FOSL2: variants seen among roughly 807,000 people sequenced by gnomAD.
FOSL2 encodes fos-related antigen 2.
Under a neutral mutation model 27.7 loss-of-function variants are expected in FOSL2, and 3 were observed. The observed-to-expected ratio is 0.11, with a 90% CI of 0.05 to 0.28. The LOEUF (loss-of-function observed/expected upper bound fraction) is 0.28. Ranked by LOEUF, FOSL2 falls within the 10% of genes least tolerant of loss-of-function variation. The probability of loss-of-function intolerance (pLI) is 1.00; values close to 1 mark genes in which losing one functional copy is unlikely to be tolerated. For missense variants in FOSL2, 333 were observed against 445.1 expected, an observed-to-expected ratio of 0.75 and a Z score of 2.27; for synonymous variants, 179 against 190.1, an observed-to-expected ratio of 0.94 and a Z score of 0.48.
Position 28,412,275 on chromosome 2 carries a change from A to G in FOSL2, c.808A>G (p.Thr270Ala), listed in dbSNP as rs970544007. 4 of 1,613,586 alleles carry G rather than the reference A, an allele frequency of 2.5e-6. No homozygotes were observed. Among genetic ancestry groups the G allele is most frequent in the Admixed American group, 1.7e-5 (1 of 59,990 alleles). The change falls in exon 4 of 4, where the codon ACA (threonine) becomes GCA (alanine). Residue 270 changes from threonine to alanine, a missense_variant. Physicochemically the swap from Thr to Ala is moderately conservative, Grantham distance 58. This residue lies in a region of FOSL2 where 136 missense variants were observed against 123.7 expected (regional missense o/e 1.10). Transcript: ENST00000264716. The surrounding 1 kb of genome is among the most constrained non-coding windows in gnomAD (Gnocchi z 7.1). Reference protein sequence around the residue: ...PLHTPIVVTSTPAVTPGTSNL... With the variant: ...PLHTPIVVTSAPAVTPGTSNL... Reference sequence around the variant, plus strand: ...GCACACCCCCATCGTGGTGACCTCCACACCTGCTGTCACTCCGGGCACCTC... The same window carrying G: ...GCACACCCCCATCGTGGTGACCTCCGCACCTGCTGTCACTCCGGGCACCTC...
intron 2 of FOSL2, among the ~76,000 whole-genome samples, chr2:28,407,557 T>C (rs1305555983): frequency 6.6e-6 from 1 of 152,202 alleles, no homozygotes; most frequent in African/African-American, 2.4e-5. Context: ...GTCCAGGCAG[T>C]ATCCCTCCTT....
At chr2:28,400,829 A>G (rs1445219246) in intron 1 of FOSL2, among the ~76,000 whole-genome samples, 1 of 152,204 alleles carries the variant, frequency 6.6e-6, no homozygotes, top group Non-Finnish European at 1.5e-5. Flanking sequence ...GCTAATAGGC[A>G]TCCACTTATT....
chr2:28,410,297 A>G (rs1664164632), intron 3 of FOSL2, among the ~76,000 whole-genome samples: 1 of 152,030 alleles, frequency 6.6e-6, no homozygotes, highest in Non-Finnish European at 1.5e-5. Context: ...TGGCACTTCA[A>G]GGAGCTGTGC....
intron 2 of FOSL2, among the ~76,000 whole-genome samples, chr2:28,407,364 G>A (rs868511431): frequency 1.3e-5 from 2 of 152,206 alleles, no homozygotes; most frequent in Admixed American, 1.3e-4. Flanking sequence ...GACCTCAGCC[G>A]GGCTGTGGAC....
rs752159907 is a variant in FOSL2 at position 28,412,240 on chromosome 2, A to G, written c.773A>G (p.Glu258Gly). ...AGCATTGCTGGGGGCTTCTACGGTG[A>G]GGAGCCCCTGCACACCCCCATCGTG... ...PISIAGGFYG[E>G]EPLHTPIVVT... The change falls in exon 4 of 4, where the codon GAG (glutamate) becomes GGG (glycine). Residue 258 changes from glutamate (E) to glycine (G), a missense_variant. Coordinates refer to ENST00000264716, the MANE Select transcript of FOSL2 (RefSeq NM_005253.4). The surrounding 1 kb of genome is among the most constrained non-coding windows in gnomAD (Gnocchi z 7.1). 3 of 1,613,738 alleles carry G rather than the reference A, an allele frequency of 1.9e-6. No individual in the cohort carries two copies. The highest frequency in any genetic ancestry group is 2.5e-6 in the Non-Finnish European group (3 of 1,179,930).
chr2:28,409,176 G>A (rs1449040960), intron 3 of FOSL2, among the ~76,000 whole-genome samples: 1 of 152,106 alleles, frequency 6.6e-6, no homozygotes, highest in South Asian at 2.1e-4. Flanking sequence ...AACTGTGGGG[G>A]CTCCTGGGTG....
intron 1 of FOSL2, among the ~76,000 whole-genome samples, chr2:28,400,307 T>A (rs1454595620): frequency 6.6e-6 from 1 of 152,194 alleles, no homozygotes; most frequent in Non-Finnish European, 1.5e-5. Flanking sequence ...GAACCACGAT[T>A]TATCTCCAGT....
chr2:28,399,399 C>T (rs1246504546), intron 1 of FOSL2, among the ~76,000 whole-genome samples: 2 of 152,178 alleles, frequency 1.3e-5, no homozygotes, highest in Admixed American at 6.5e-5. Flanking sequence ...TCTCAGGAGG[C>T]AGTTTTCCCA....
chr2:28,392,939 A>T lies in FOSL2; in HGVS notation c.-782A>T. ...AACGAGCGGCGCTCGGCGGGGACAGAAAGAGGGAGAGAGAGAGAGAGAGAG... is the reference window on the plus strand; with the variant it reads ...AACGAGCGGCGCTCGGCGGGGACAGTAAGAGGGAGAGAGAGAGAGAGAGAG... On this transcript the variant is annotated 5_prime_UTR_variant, in exon 1 of 4. Coordinates refer to ENST00000264716, the MANE Select transcript of FOSL2 (RefSeq NM_005253.4). The T allele has an allele frequency of 1.4e-6, 1 of 701,492 alleles. No individual in the cohort carries two copies. Among genetic ancestry groups the T allele is most frequent in the Admixed American group, 2.0e-5 (1 of 49,282 alleles). 43.5% of individuals were successfully genotyped at this position (701,492 alleles called of 1,614,324 possible).
At position 28,410,281 on chromosome 2, in the gene FOSL2, T is replaced by C. The variant is rs561245055; in HGVS notation, c.462+1415T>C. On this transcript the variant is annotated intron_variant, in intron 3 of 3. Coordinates refer to ENST00000264716, the MANE Select transcript of FOSL2 (RefSeq NM_005253.4). ...CGGGCCCTCCCACCACTAACCTTTC[T>C]GTGATTGGCACTTCAAGGAGCTGTG... 2.0e-5 allele frequency among the ~76,000 whole-genome samples: 3 copies of C among 152,252 alleles called. No individual in the cohort carries two copies. The East Asian group carries it at 5.8e-4, about 30-fold the overall frequency.
intron 1 of FOSL2, chr2:28,396,815 C>CACACACACACACACAA (rs1553376568): frequency 1.3e-3 from 192 of 151,738 alleles, no homozygotes; most frequent in African/African-American, 4.5e-3. Flanking sequence ...CACACACACA[C>CACACACACACACACAA]ACACACACAC....
chr2:28,411,186 G>A (rs899197667), intron 3 of FOSL2, among the ~76,000 whole-genome samples: 8 of 151,976 alleles, frequency 5.3e-5, no homozygotes, highest in Non-Finnish European at 8.8e-5. Context: ...AGTGAAAAAA[G>A]GGAGGAGGAG....
chr2:28,404,221 T>G lies in FOSL2; in HGVS notation c.217T>G (p.Ser73Ala). 6.2e-7 allele frequency: 1 copy of G among 1,614,140 alleles called. No individual in the cohort carries two copies. The highest frequency in any genetic ancestry group is 8.5e-7 in the Non-Finnish European group (1 of 1,180,012). Residue 73 changes from serine to alanine, a missense_variant, in exon 2 of 4, where the codon TCC (serine) becomes GCC (alanine). Transcript: ENST00000264716. The surrounding 1 kb of genome is among the most constrained non-coding windows in gnomAD (Gnocchi z 4.7). ...MVQPTVITSM[S>A]NPYPRSHPYS... Reference sequence around the variant, plus strand: ...GCAGCCCACAGTGATCACCTCCATGTCCAACCCATACCCTCGCTCGCACCC... The same window carrying G: ...GCAGCCCACAGTGATCACCTCCATGGCCAACCCATACCCTCGCTCGCACCC...
rs1222510412 is a variant in FOSL2, at chr2:28,393,917, C to G, written c.102+95C>G. On this transcript the variant is annotated intron_variant, in intron 1 of 3. Coordinates refer to ENST00000264716, the MANE Select transcript of FOSL2 (RefSeq NM_005253.4). This position sits in a 1 kb window ranked among gnomAD's most constrained non-coding sequence, Gnocchi z 4.6. ...TTTTGCTTTCTTTTCTTTTTCTTGG[C>G]GAGAAAATACCTACGGGCCACCGTT... is the stretch of plus-strand genomic sequence containing the variant. 1 of 878,902 alleles carries G rather than the reference C, an allele frequency of 1.1e-6. No individual in the cohort carries two copies. The highest frequency in any genetic ancestry group is 1.7e-6 in the Non-Finnish European group (1 of 572,996). 54.4% of individuals were successfully genotyped at this position (878,902 alleles called of 1,614,324 possible).
At chr2:28,399,740 C>G (rs2148081135) in intron 1 of FOSL2, among the ~76,000 whole-genome samples, 1 of 152,290 alleles carries the variant, frequency 6.6e-6, no homozygotes, top group Non-Finnish European at 1.5e-5. Flanking sequence ...TCGTTTCCCT[C>G]CAACCTGAGC....
intron 1 of FOSL2, among the ~76,000 whole-genome samples, chr2:28,398,404 G>A (rs909481722): frequency 3.3e-5 from 5 of 152,364 alleles, no homozygotes; most frequent in South Asian, 2.1e-4. Context: ...CTCACCTTCC[G>A]GTGGCTTTAA....
intron 1 of FOSL2, among the ~76,000 whole-genome samples, chr2:28,397,556 G>A (rs1026705847): frequency 3.3e-5 from 5 of 152,152 alleles, no homozygotes; most frequent in African/African-American, 4.8e-5. Flanking sequence ...TGTCTGAAAG[G>A]CATTTGAATT....
chr2:28,414,148 C>G lies in FOSL2; in HGVS notation c.*1700C>G, dbSNP rs1664264872. On this transcript the variant is annotated 3_prime_UTR_variant, in exon 4 of 4. Transcript: ENST00000264716. ...CTGCTGGGGATTCAGCTCTAGAGGT[C>G]ACAGTATCCTCGTTTGAAAGATAAT... 6.9e-6 allele frequency: 2 copies of G among 290,856 alleles called. No homozygotes were observed. The highest frequency in any genetic ancestry group is 1.3e-5 in the Non-Finnish European group (2 of 157,258). 18.0% of individuals were successfully genotyped at this position (290,856 alleles called of 1,614,324 possible). A position where few individuals can be genotyped will look rare whatever the true frequency, so the allele number is the denominator to read the frequency against.
In FOSL2 at chr2:28,415,618, C is replaced by T. The variant is rs941705801; in HGVS notation, c.*3170C>T. On this transcript the variant is annotated 3_prime_UTR_variant, in exon 4 of 4. Coordinates refer to ENST00000264716, the MANE Select transcript of FOSL2 (RefSeq NM_005253.4). ...TGGACCAACAGTGCAAATGCAATCT[C>T]GCCATTTAACTTTCAGGTCGATTTC... The T allele has an allele frequency of 5.3e-5, 8 of 152,300 alleles. No homozygotes were observed. The highest frequency in any genetic ancestry group is 2.1e-4 in the South Asian group (1 of 4,828). The allele number at this position is 152,300 out of a possible 1,614,324, so 9.4% of individuals were successfully genotyped here.
Sources: gnomAD v4.1 joint callset for allele counts (sites outside exome capture counted in the v4.1 genomes callset) on GRCh38, gnomAD v4.1.1 for gene constraint, gnomAD v4.1.1 regional missense constraint, Gnocchi (gnomAD v3.1) non-coding constraint, MANE v1.5 for transcripts, NCBI Gene and HGNC (gene_info 2026-07-23, HGNC 2026-07-21) for gene names.